The following IFNLR1 variants were observed in gnomAD, a reference collection of about 807,000 sequenced individuals.
The protein encoded by IFNLR1 is CRF2-12.
A neutral mutation model predicts 52.5 loss-of-function variants in IFNLR1; 28 were observed. The ratio of observed to expected loss-of-function variants is 0.53; its 90% CI spans 0.40 to 0.73. The LOEUF (loss-of-function observed/expected upper bound fraction) is 0.73. Among genes scored for constraint, IFNLR1 ranks in the 30% least tolerant of loss-of-function variants. The pLI is 0.00. For missense variants in IFNLR1, 623 were observed against 659.1 expected (o/e 0.95, Z 0.60); for synonymous variants, 276 against 274.9 (o/e 1.00, Z -0.04).
At chr1:24,179,118 T>A (rs1158543464) in intron 2 of IFNLR1, among the ~76,000 whole-genome samples, 1 of 144,558 alleles carries the variant, frequency 6.9e-6, no homozygotes. Flanking sequence ...ATTTTTTGTA[T>A]TTTTTTTTTT....
At position 24,161,550 on chromosome 1, in the gene IFNLR1, C is replaced by T. The variant is rs927857207; in HGVS notation, c.502G>A (p.Gly168Arg). 24 of 1,554,936 alleles carry T rather than the reference C, an allele frequency of 1.5e-5. No homozygotes were observed. Among genetic ancestry groups the T allele is most frequent in the Middle Eastern group, 3.3e-4 (2 of 6,012 alleles). ...YEVAFWKEGA[G>R]NKTLFPVTPH... ...GGAAAGGAGCTTCCCACCTTGTTTCCGGCCCCCTCCTTCCAGAATGCCACC... is the reference window on the plus strand; with the variant it reads ...GGAAAGGAGCTTCCCACCTTGTTTCTGGCCCCCTCCTTCCAGAATGCCACC... Residue 168 changes from glycine to arginine, a missense_variant, in exon 4 of 7, where the codon GGA becomes AGA. Gly to Arg is a moderately radical substitution (Grantham distance 125). Transcript: ENST00000327535.
intron 1 of IFNLR1, among the ~76,000 whole-genome samples, chr1:24,186,623 G>A (rs1644741671): frequency 1.3e-5 from 2 of 152,036 alleles, no homozygotes; most frequent in South Asian, 2.1e-4. Flanking sequence ...CTACGGCGAG[G>A]AATTTTGTAC....
intron 1 of IFNLR1, among the ~76,000 whole-genome samples, chr1:24,185,414 T>C (rs1644727879): frequency 1.3e-5 from 2 of 152,200 alleles, no homozygotes; most frequent in African/African-American, 2.4e-5. Flanking sequence ...TCCTGCCCTA[T>C]AGGAGCTCAT....
intron 6 of IFNLR1, 33 bp downstream of exon 6, chr1:24,159,019 C>A: frequency 6.2e-7 from 1 of 1,607,634 alleles, no homozygotes; most frequent in Non-Finnish European, 8.5e-7. Flanking sequence ...TCAACCCCTC[C>A]CCACCTGCTG....
chr1:24,157,051 T>C lies in IFNLR1; in HGVS notation c.*79A>G. 4.0e-6 allele frequency: 6 copies of C among 1,493,806 alleles called. No homozygotes were observed. The highest frequency in any genetic ancestry group is 1.4e-5 in the African/African-American group (1 of 71,312). 92.5% of individuals were successfully genotyped at this position (1,493,806 alleles called of 1,614,324 possible). A position where few individuals can be genotyped will look rare whatever the true frequency, so the allele number is the denominator to read the frequency against. On this transcript the variant is annotated 3_prime_UTR_variant, in exon 7 of 7. Transcript: ENST00000327535. This position sits in a 1 kb window ranked among gnomAD's most constrained non-coding sequence, Gnocchi z 5.1. ...CGCCGCCCAGGGGAGGTACGGAGGC[T>C]CTTGAGTTTCTTGGGAAGCCCAGTA...
chr1:24,164,234 C>A (rs532261216), intron 3 of IFNLR1, among the ~76,000 whole-genome samples: 3 of 152,314 alleles, frequency 2.0e-5, no homozygotes, highest in African/African-American at 7.2e-5. Flanking sequence ...GGGAAGAATT[C>A]TCTTTCGCTC....
chr1:24,158,294 C>T (rs141754796), intron 6 of IFNLR1, among the ~76,000 whole-genome samples: 28 of 152,328 alleles, frequency 1.8e-4, no homozygotes, highest in South Asian at 4.1e-4. Context: ...CCATTGGGTG[C>T]AGGCGCTGGG....
At chr1:24,170,565 G>A (rs952448638) in intron 2 of IFNLR1, among the ~76,000 whole-genome samples, 1 of 152,050 alleles carries the variant, frequency 6.6e-6, no homozygotes, top group Admixed American at 6.6e-5. Flanking sequence ...TCACCATGTC[G>A]GCCAGGCTGG....
intron 2 of IFNLR1, among the ~76,000 whole-genome samples, chr1:24,171,436 A>T (rs1569669763): frequency 6.6e-6 from 1 of 152,216 alleles, no homozygotes. Flanking sequence ...ATTGCAAAAC[A>T]TTCAGTTAAA....
rs139958347 is a variant in IFNLR1, at chr1:24,187,233, G to A, written c.16C>T (p.Arg6Cys). Residue 6 changes from arginine to cysteine, a missense_variant, in exon 1 of 7, where the codon CGC becomes TGC. Transcript: ENST00000327535. The stretch of plus-strand genomic sequence containing the variant: ...AGGCACAGGAGCAGGGGGCCCCAGC[G>A]CTCGGGCCCCGCCATGGCCTTCCTG... The part of the protein sequence containing the change: MAGPE[R>C]WGPLLLCLLQ... 1.6e-6 allele frequency: 2 copies of A among 1,285,362 alleles called. No homozygotes were observed. The highest frequency in any genetic ancestry group is 2.3e-5 in the South Asian group (1 of 42,624). 79.6% of individuals were successfully genotyped at this position (1,285,362 alleles called of 1,614,324 possible). A position where few individuals can be genotyped will look rare whatever the true frequency, so the allele number is the denominator to read the frequency against.
chr1:24,161,177 A>G (rs1024832247), intron 4 of IFNLR1, among the ~76,000 whole-genome samples: 1 of 152,244 alleles, frequency 6.6e-6, no homozygotes, highest in Non-Finnish European at 1.5e-5. Context: ...TCTTCGGGAA[A>G]GTCTGCCAGC....
At chr1:24,162,778 T>TTC (rs759608863) in intron 3 of IFNLR1, among the ~76,000 whole-genome samples, 703 of 33,894 alleles carry the variant, frequency 0.021, 3 homozygotes, top group East Asian at 0.04. Flanking sequence ...CTTTCTTTCT[T>TTC]TTTCTTTCTT....
chr1:24,160,827 G>A (rs573823901), intron 4 of IFNLR1, among the ~76,000 whole-genome samples: 1 of 151,782 alleles, frequency 6.6e-6, no homozygotes, highest in Non-Finnish European at 1.5e-5. Flanking sequence ...TCCTGGGCTC[G>A]AGCGATCCTC....
At chr1:24,162,042 T>TG (rs1344450920) in intron 3 of IFNLR1, among the ~76,000 whole-genome samples, 1 of 152,124 alleles carries the variant, frequency 6.6e-6, no homozygotes, top group Non-Finnish European at 1.5e-5. Context: ...TCATAACAAA[T>TG]TACCACACAC....
At position 24,157,500 on chromosome 1, in the gene IFNLR1, C is replaced by T; in HGVS notation, c.1193G>A (p.Trp398Ter). ...RSWASTVDSS[W>*]DRAGSSGYLA... Reference sequence around the variant, plus strand: ...ATAGCCAGAGGACCCAGCCCTGTCCCAGGAGGAGTCCACAGTGCTGGCCCA... The same window carrying T: ...ATAGCCAGAGGACCCAGCCCTGTCCTAGGAGGAGTCCACAGTGCTGGCCCA... The change falls in exon 7 of 7, where the codon TGG becomes TAG. Residue 398 changes from tryptophan to a stop codon, truncating the protein, a stop_gained. Coordinates refer to ENST00000327535, the MANE Select transcript of IFNLR1 (RefSeq NM_170743.4). LOFTEE classifies it high-confidence loss of function. The surrounding 1 kb of genome is among the most constrained non-coding windows in gnomAD (Gnocchi z 5.1). The T allele has an allele frequency of 6.2e-7, 1 of 1,612,552 alleles. No individual in the cohort carries two copies. Among genetic ancestry groups the T allele is most frequent in the Non-Finnish European group, 8.5e-7 (1 of 1,179,210 alleles).
Position 24,157,567 on chromosome 1 carries a change from G to A in IFNLR1, c.1126C>T (p.Pro376Ser), listed in dbSNP as rs267598459. The change falls in exon 7 of 7, where the codon CCA becomes TCA. Residue 376 changes from proline to serine, a missense_variant. Transcript: ENST00000327535. The surrounding 1 kb of genome is among the most constrained non-coding windows in gnomAD (Gnocchi z 5.1). ...TCCCAAGCAGAGGAGCCTTCGCTTG[G>A]GACCAGAGGAGCCCTGGGCCTCCCT... is the stretch of plus-strand genomic sequence containing the variant. Reference protein sequence around the residue: ...DSGRPRAPLVPSEGSSAWDSS... With the variant: ...DSGRPRAPLVSSEGSSAWDSS... 2 of 1,612,064 alleles carry A rather than the reference G, an allele frequency of 1.2e-6. No individual in the cohort carries two copies. Among genetic ancestry groups the A allele is most frequent in the South Asian group, 1.1e-5 (1 of 90,688 alleles).
Position 24,159,057 on chromosome 1 carries a change from C to A in IFNLR1, c.796G>T (p.Ala266Ser). 1 of 1,613,990 alleles carries A rather than the reference C, an allele frequency of 6.2e-7. No individual in the cohort carries two copies. Among genetic ancestry groups the A allele is most frequent in the Non-Finnish European group, 8.5e-7 (1 of 1,179,954 alleles). The change falls in exon 6 of 7, where the codon GCC becomes TCC. Residue 266 changes from alanine to serine, a missense_variant. Ala to Ser is a moderately conservative substitution (Grantham distance 99). Transcript: ENST00000327535. ...PWFQRAKMPR[A>S]LDFSGHTHPV... Reference sequence around the variant, plus strand: ...CACCCCCAGATTTGCTATACCAGGGCCCGTGGCATCTTTGCCCGCTGAAAC... The same window carrying A: ...CACCCCCAGATTTGCTATACCAGGGACCGTGGCATCTTTGCCCGCTGAAAC...
chr1:24,171,688 G>A (rs997392179), intron 2 of IFNLR1, among the ~76,000 whole-genome samples: 11 of 151,206 alleles, frequency 7.3e-5, no homozygotes, highest in South Asian at 4.2e-4. Flanking sequence ...ACAGAGTCTC[G>A]CTCTGTCATC....
At position 24,161,690 on chromosome 1, in the gene IFNLR1, G is replaced by A; in HGVS notation, c.368-6C>T. ...GACAGGTGGGGCCGGCTCCACTGCA[G>A]AAACAGAGCAGGACCTGTCAGTAAT... On this transcript the variant is annotated splice_region_variant and splice_polypyrimidine_tract_variant and intron_variant, in intron 3 of 6. Coordinates refer to ENST00000327535, the MANE Select transcript of IFNLR1 (RefSeq NM_170743.4). The A allele has an allele frequency of 6.7e-7, 1 of 1,492,734 alleles. No homozygotes were observed. The highest frequency in any genetic ancestry group is 9.0e-7 in the Non-Finnish European group (1 of 1,114,760). 92.5% of individuals were successfully genotyped at this position (1,492,734 alleles called of 1,614,324 possible).
Sources: allele counts gnomAD v4.1 joint callset (sites outside exome capture counted in the v4.1 genomes callset), GRCh38; gene constraint gnomAD v4.1.1; non-coding constraint Gnocchi (gnomAD v3.1); transcripts MANE v1.5; gene names NCBI Gene and HGNC (gene_info 2026-07-23, HGNC 2026-07-21).